PTPRM: variants seen among roughly 807,000 people sequenced by gnomAD.
PTPRM encodes the protein protein tyrosine phosphatase receptor type M.
A neutral mutation model predicts 186.7 loss-of-function variants in PTPRM; 47 were observed. The observed-to-expected ratio is 0.25, with a 90% CI of 0.20 to 0.32. The LOEUF (loss-of-function observed/expected upper bound fraction) is 0.32. Ranked by LOEUF, PTPRM falls within the 10% of genes least tolerant of loss-of-function variation. PTPRM has a pLI of 1.00. For missense variants in PTPRM, 1,494 were observed against 1,865.0 expected (o/e 0.80, Z 3.66); for synonymous variants, 668 against 674.9 (o/e 0.99, Z 0.16).
chr18:7,985,210 T>G (rs1214934665), intron 7 of PTPRM, among the ~76,000 whole-genome samples: 1 of 120,426 alleles, frequency 8.3e-6, no homozygotes, highest in Non-Finnish European at 1.6e-5. Flanking sequence ...TACATATAAT[T>G]GTATATACAC....
At chr18:8,066,416 C>T (rs567595) in intron 7 of PTPRM, among the ~76,000 whole-genome samples, 63,830 of 151,910 alleles carry the variant, frequency 0.42, 14,678 homozygotes, top group Non-Finnish European at 0.52. Flanking sequence ...GACAGTACTC[C>T]ATCTGAAGTG....
At position 8,069,682 on chromosome 18, in the gene PTPRM, A is replaced by C. The variant is rs1485043455; in HGVS notation, c.1133-4A>C. ...TGTTTTCTTTTGTCTTCTTTTCTAA[A>C]TAGATCCCATGCGAGGCCCAAGAAA... On this transcript the variant is annotated splice_region_variant and splice_polypyrimidine_tract_variant and intron_variant, in intron 7 of 32. Coordinates refer to ENST00000580170, the MANE Select transcript of PTPRM (RefSeq NM_001105244.2). 1 of 1,606,646 alleles carries C rather than the reference A, an allele frequency of 6.2e-7. No individual in the cohort carries two copies. The highest frequency in any genetic ancestry group is 8.5e-7 in the Non-Finnish European group (1 of 1,174,250).
rs371297757 is a variant in PTPRM at position 7,928,527 on chromosome 18, A to G, written c.663+1844A>G. ...ATTAATGATGAGACAAACATCTTCT[A>G]TTGACATTTTCCACAGAGTATTAAG... On this transcript the variant is annotated intron_variant, in intron 5 of 32. Transcript: ENST00000580170. 2.0e-5 allele frequency among the ~76,000 whole-genome samples: 3 copies of G among 152,224 alleles called. No individual in the cohort carries two copies. The East Asian group carries it at 5.8e-4, about 29-fold the overall frequency.
chr18:7,617,720 T>G (rs2037840494), intron 1 of PTPRM, among the ~76,000 whole-genome samples: 3 of 152,230 alleles, frequency 2.0e-5, no homozygotes, highest in Admixed American at 2.0e-4. Flanking sequence ...ATGTGTTTCT[T>G]TCTCCTTTCC....
intron 1 of PTPRM, among the ~76,000 whole-genome samples, chr18:7,727,786 G>T (rs73939352): frequency 0.037 from 5,579 of 152,282 alleles, 347 homozygotes; most frequent in African/African-American, 0.13. Flanking sequence ...CCAAATGTGA[G>T]AAATTTAATC....
At chr18:7,671,604 A>C (rs8087584) in intron 1 of PTPRM, among the ~76,000 whole-genome samples, 1 of 152,358 alleles carries the variant, frequency 6.6e-6, no homozygotes, top group Non-Finnish European at 1.5e-5. Context: ...TAAATGGAAT[A>C]TATAATAGTG....
chr18:8,114,957 AT>A, intron 13 of PTPRM, 130 bp downstream of exon 13: 2 of 651,000 alleles, frequency 3.1e-6, no homozygotes, highest in Non-Finnish European at 5.2e-6. Context: ...ACATATATAT[AT>A]ATGCATGAAT....
chr18:8,237,431 ATTTTTTTTTT>A lies in PTPRM; in HGVS notation c.2301-6605_2301-6596del, dbSNP rs59073560. Among the ~76,000 whole-genome samples the A allele has an allele frequency of 2.0e-4, 14 of 71,670 alleles. No individual in the cohort carries two copies. In the East Asian group the frequency reaches 3.9e-3, roughly 20 times the overall value. The allele number at this position is 71,670 out of a possible 152,430, so 47.0% of individuals were successfully genotyped here. ...GATCTGCTGGCAACTGATTCCCTCA[ATTTTTTTTTT>A]TTTTTTTTTTTTTTTTTTTTTCCTG... is the stretch of plus-strand genomic sequence containing the variant. On this transcript the variant is annotated intron_variant, in intron 14 of 32. Transcript: ENST00000580170.
At chr18:7,998,924 G>A (rs2083706561) in intron 7 of PTPRM, among the ~76,000 whole-genome samples, 2 of 152,082 alleles carry the variant, frequency 1.3e-5, no homozygotes, top group Non-Finnish European at 1.5e-5. Context: ...CAAACTGCTG[G>A]GATTACAGAT....
At chr18:8,227,577 G>A (rs755244126) in intron 14 of PTPRM, among the ~76,000 whole-genome samples, 3 of 152,198 alleles carry the variant, frequency 2.0e-5, no homozygotes, top group Non-Finnish European at 4.4e-5. Context: ...TGTCCTATGT[G>A]CAGACATCAG....
intron 32 of PTPRM, among the ~76,000 whole-genome samples, chr18:8,394,851 A>T (rs538877166): frequency 6.6e-6 from 1 of 152,340 alleles, no homozygotes; most frequent in Admixed American, 6.5e-5. Context: ...GCTGAAACTC[A>T]CAAGTGAACA....
chr18:8,176,231 A>G (rs1203325970), intron 14 of PTPRM, among the ~76,000 whole-genome samples: 2 of 151,388 alleles, frequency 1.3e-5, no homozygotes, highest in African/African-American at 2.4e-5. Context: ...GAGAGAGAGT[A>G]CAGTTAGACA....
At chr18:8,331,233 G>A (rs528725785) in intron 22 of PTPRM, among the ~76,000 whole-genome samples, 22 of 152,262 alleles carry the variant, frequency 1.4e-4, no homozygotes, top group African/African-American at 5.1e-4. Flanking sequence ...GGTTTCTTTC[G>A]GTAGATGGAG....
At chr18:8,075,881 GTTAC>G (rs1023506992) in intron 8 of PTPRM, among the ~76,000 whole-genome samples, 20 of 152,168 alleles carry the variant, frequency 1.3e-4, no homozygotes, top group African/African-American at 3.1e-4. Flanking sequence ...ATATATAACT[GTTAC>G]TTACTTTCAA....
intron 1 of PTPRM, among the ~76,000 whole-genome samples, chr18:7,683,307 C>A (rs563290183): frequency 6.6e-6 from 1 of 151,928 alleles, no homozygotes; most frequent in African/African-American, 2.4e-5. Flanking sequence ...GTAGCTAGGA[C>A]TACCAGTGTG....
chr18:7,603,843 C>A (rs1184755840), intron 1 of PTPRM, among the ~76,000 whole-genome samples: 1 of 152,214 alleles, frequency 6.6e-6, no homozygotes, highest in Admixed American at 6.5e-5. Context: ...CTGGCCTCTG[C>A]AGCATACACA....
At chr18:8,053,286 T>C (rs1010299017) in intron 7 of PTPRM, among the ~76,000 whole-genome samples, 12 of 152,212 alleles carry the variant, frequency 7.9e-5, no homozygotes, top group Non-Finnish European at 1.2e-4. Context: ...TTTTCATTGA[T>C]AGTTGGTGCT....
chr18:7,771,743 GT>G (rs1833757900), intron 1 of PTPRM, among the ~76,000 whole-genome samples: 1 of 152,190 alleles, frequency 6.6e-6, no homozygotes, highest in South Asian at 2.1e-4. Context: ...GTTTAACATT[GT>G]TTATCAGAGC....
At chr18:7,984,771 A>G (rs1240929511) in intron 7 of PTPRM, among the ~76,000 whole-genome samples, 1 of 140,108 alleles carries the variant, frequency 7.1e-6, no homozygotes, top group East Asian at 2.1e-4. Flanking sequence ...ATAAATATAT[A>G]CACATAAAAT....
Sources: gnomAD v4.1 joint callset for allele counts (sites outside exome capture counted in the v4.1 genomes callset) on GRCh38, gnomAD v4.1.1 for gene constraint, MANE v1.5 for transcripts, NCBI Gene and HGNC (gene_info 2026-07-23, HGNC 2026-07-21) for gene names.